SH3RF2: variants seen among roughly 807,000 people sequenced by gnomAD.
SH3RF2 encodes SH3 domain containing ring finger 2.
In SH3RF2, 43 loss-of-function variants were observed where a neutral mutation model predicts 59.0. The ratio of observed to expected loss-of-function variants is 0.73; its 90% CI spans 0.57 to 0.94. The LOEUF (loss-of-function observed/expected upper bound fraction) is 0.94. Among genes scored for constraint, SH3RF2 ranks in the 40% least tolerant of loss-of-function variants. SH3RF2 has a pLI of 0.00. For synonymous variants in SH3RF2, 391 were observed against 391.5 expected (o/e 1.00, Z 0.01); for missense variants, 930 against 940.1 (o/e 0.99, Z 0.14).
intron 3 of SH3RF2, among the ~76,000 whole-genome samples, chr5:146,003,044 C>A (rs1162808555): frequency 2.6e-5 from 4 of 152,114 alleles, no homozygotes; most frequent in Non-Finnish European, 5.9e-5. Context: ...AATCCTAATT[C>A]CTGAGGAGCA....
intron 5 of SH3RF2, among the ~76,000 whole-genome samples, chr5:146,030,587 C>T (rs1238806325): frequency 6.6e-6 from 1 of 152,168 alleles, no homozygotes; most frequent in Non-Finnish European, 1.5e-5. Flanking sequence ...GGACTAACCC[C>T]TAAACTATTT....
intron 9 of SH3RF2, among the ~76,000 whole-genome samples, chr5:146,072,062 A>G (rs759282416): frequency 2.6e-5 from 4 of 152,222 alleles, no homozygotes; most frequent in Non-Finnish European, 5.9e-5. Flanking sequence ...ATTTTGAAAA[A>G]TGAGCAGCAC....
chr5:146,067,366 T>G (rs947410307), downstream of SH3RF2, among the ~76,000 whole-genome samples: 2 of 152,198 alleles, frequency 1.3e-5, no homozygotes, highest in Non-Finnish European at 2.9e-5. Context: ...CACAGCAGCC[T>G]GCTTCACTCA....
At chr5:145,997,664 A>G in intron 2 of SH3RF2, 1 of 1,565,286 alleles carries the variant, frequency 6.4e-7, no homozygotes, top group Non-Finnish European at 8.7e-7. Flanking sequence ...TTTGCTACCC[A>G]GTTCAGTCAG....
At chr5:146,022,407 C>G (rs2906819) in intron 5 of SH3RF2, among the ~76,000 whole-genome samples, 1 of 151,868 alleles carries the variant, frequency 6.6e-6, no homozygotes, top group Non-Finnish European at 1.5e-5. Flanking sequence ...TAGGTTTCAC[C>G]ATGTTGGCCA....
At position 146,055,986 on chromosome 5, in the gene SH3RF2, C is replaced by T. The variant is rs2150019392; in HGVS notation, c.1328C>T (p.Thr443Ile). 1 of 1,611,112 alleles carries T rather than the reference C, an allele frequency of 6.2e-7. No homozygotes were observed. The highest frequency in any genetic ancestry group is 8.5e-7 in the Non-Finnish European group (1 of 1,178,872). The change falls in exon 8 of 10, where the codon ACC becomes ATC. Residue 443 changes from threonine to isoleucine, a missense_variant. Coordinates refer to ENST00000359120, the MANE Select transcript of SH3RF2 (RefSeq NM_152550.4). ...AAAAAATTTTCCAAAACCAGAAAGA[C>T]CTCTAGTTTTCCAGACTCCCGGAGC... is the stretch of plus-strand genomic sequence containing the variant. ...NNYVIPIFRK[T>I]SSFPDSRSPG...
At chr5:146,064,934 ATAGT>A (rs1179266553), downstream of SH3RF2, among the ~76,000 whole-genome samples, 17 of 152,154 alleles carry the variant, frequency 1.1e-4, no homozygotes, top group African/African-American at 3.4e-4. Context: ...TTTCCCCTAG[ATAGT>A]TCTTGAAAGT....
chr5:145,965,424 C>T (rs1758820470), intron 2 of SH3RF2, among the ~76,000 whole-genome samples: 1 of 152,098 alleles, frequency 6.6e-6, no homozygotes, highest in Admixed American at 6.5e-5. Context: ...TACAAATCCT[C>T]CTAAATCTGT....
chr5:146,055,023 T>A (rs1482047677), intron 7 of SH3RF2, among the ~76,000 whole-genome samples: 1 of 152,244 alleles, frequency 6.6e-6, no homozygotes, highest in Non-Finnish European at 1.5e-5. Flanking sequence ...CCCATGGAGT[T>A]CAGGGAGCTG....
rs1428408492 is a variant in SH3RF2 at position 146,049,063 on chromosome 5, G to A, written c.1152-12G>A. On this transcript the variant is annotated splice_polypyrimidine_tract_variant and intron_variant, in intron 6 of 9. Coordinates refer to ENST00000359120, the MANE Select transcript of SH3RF2 (RefSeq NM_152550.4). ...TTCCTTCCTCCCTCACCAGTTCTCT[G>A]TGTCTTCCCAGGTTTGTAGCCCTGC... 6 of 1,613,636 alleles carry A rather than the reference G, an allele frequency of 3.7e-6. No homozygotes were observed. Among genetic ancestry groups the A allele is most frequent in the Non-Finnish European group, 5.1e-6 (6 of 1,179,938 alleles).
At chr5:146,000,809 G>A (rs1760377401) in intron 3 of SH3RF2, among the ~76,000 whole-genome samples, 1 of 152,212 alleles carries the variant, frequency 6.6e-6, no homozygotes. Context: ...CCTGGGAATA[G>A]GACGTGAATA....
At chr5:146,056,719 A>G (rs979498526) in intron 8 of SH3RF2, among the ~76,000 whole-genome samples, 1 of 152,246 alleles carries the variant, frequency 6.6e-6, no homozygotes, top group East Asian at 1.9e-4. Context: ...GGTTTACAGT[A>G]TACGAACTGG....
chr5:146,045,396 T>A (rs1359850626), intron 5 of SH3RF2, among the ~76,000 whole-genome samples: 1 of 152,250 alleles, frequency 6.6e-6, no homozygotes, highest in East Asian at 1.9e-4. Flanking sequence ...TTTAGTATAT[T>A]CACAGATGTA....
At chr5:145,984,337 A>G (rs1277643433) in intron 2 of SH3RF2, among the ~76,000 whole-genome samples, 1 of 152,188 alleles carries the variant, frequency 6.6e-6, no homozygotes, top group Admixed American at 6.5e-5. Flanking sequence ...ATAGGGTGCA[A>G]TGGCTTACAA....
chr5:146,041,398 C>T (rs538709047), intron 5 of SH3RF2, among the ~76,000 whole-genome samples: 17 of 152,332 alleles, frequency 1.1e-4, no homozygotes, highest in Admixed American at 1.1e-3. Flanking sequence ...CTGGCATACA[C>T]TGTGAGCTCC....
intron 2 of SH3RF2, among the ~76,000 whole-genome samples, chr5:145,992,743 G>C (rs540309015): frequency 1.3e-5 from 2 of 152,206 alleles, no homozygotes; most frequent in South Asian, 4.1e-4. Flanking sequence ...ACTTGCCCCT[G>C]TGATTCAATT....
intron 1 of SH3RF2, 42 bp from the exon 2 acceptor site, chr5:145,937,781 G>A (rs574606293): frequency 1.6e-5 from 14 of 881,454 alleles, no homozygotes; most frequent in African/African-American, 3.4e-5. Context: ...ACCTCTCGGA[G>A]CAGTCACATT....
At chr5:146,080,210 C>T (rs1016785546) in exon 10 of SH3RF2, 1 of 152,040 alleles carries the variant, frequency 6.6e-6, no homozygotes, top group Non-Finnish European at 1.5e-5. Context: ...CTAATGGTGA[C>T]ATCTGAGTTG....
intron 2 of SH3RF2, among the ~76,000 whole-genome samples, chr5:145,964,309 TTTC>T (rs1440359131): frequency 3.5e-5 from 5 of 141,044 alleles, no homozygotes; most frequent in Non-Finnish European, 4.5e-5. Context: ...CCTTCCTTTC[TTTC>T]TTTTTTTTTT....
Sources: gnomAD v4.1 joint callset for allele counts (sites outside exome capture counted in the v4.1 genomes callset) on GRCh38, gnomAD v4.1.1 for gene constraint, MANE v1.5 for transcripts, NCBI Gene and HGNC (gene_info 2026-07-23, HGNC 2026-07-21) for gene names.